Variants in TMEM132D observed in about 807,000 individuals in gnomAD.
TMEM132D encodes transmembrane protein 132D.
A neutral mutation model predicts 62.3 loss-of-function variants in TMEM132D; 21 were observed. The observed-to-expected ratio is 0.34, with a 90% CI of 0.24 to 0.49. The LOEUF (loss-of-function observed/expected upper bound fraction) is 0.49. Ranked by LOEUF, TMEM132D falls within the 20% of genes least tolerant of loss-of-function variation. TMEM132D has a pLI of 0.99. For synonymous variants in TMEM132D, 621 were observed against 575.6 expected (o/e 1.08, Z -1.13); for missense variants, 1,346 against 1,402.8 (o/e 0.96, Z 0.65).
intron 4 of TMEM132D, among the ~76,000 whole-genome samples, chr12:129,270,619 T>C (rs1880828128): frequency 6.6e-6 from 1 of 152,172 alleles, no homozygotes; most frequent in South Asian, 2.1e-4. Flanking sequence ...GGGAGTGCAT[T>C]ACATCCTTAC....
chr12:129,692,760 C>T (rs1217340013), intron 2 of TMEM132D, among the ~76,000 whole-genome samples: 2 of 152,064 alleles, frequency 1.3e-5, no homozygotes, highest in African/African-American at 4.8e-5. Context: ...GAAAACCAAA[C>T]ACCACATGTT....
At chr12:129,548,957 C>A (rs769999373) in intron 2 of TMEM132D, among the ~76,000 whole-genome samples, 6 of 152,226 alleles carry the variant, frequency 3.9e-5, no homozygotes, top group Admixed American at 6.5e-5. Flanking sequence ...GAAAGGAGCA[C>A]CTCTGAAATT....
chr12:129,493,831 G>A lies in TMEM132D; in HGVS notation c.1115+37228C>T, dbSNP rs554584019. Among the ~76,000 whole-genome samples the A allele has an allele frequency of 2.2e-3, 334 of 152,332 alleles. 3 individuals are homozygous for A. Among genetic ancestry groups the A allele is most frequent in the African/African-American group, 7.7e-3 (319 of 41,574 alleles). ...TTCTTCACAACCACCCTGCTCTGTT[G>A]ACATGTTTGGGGATCTATAAATAAT... On this transcript the variant is annotated intron_variant, in intron 3 of 8. Coordinates refer to ENST00000422113, the MANE Select transcript of TMEM132D (RefSeq NM_133448.3).
chr12:129,714,354 T>C (rs1159201272), intron 1 of TMEM132D, among the ~76,000 whole-genome samples: 2 of 152,196 alleles, frequency 1.3e-5, no homozygotes, highest in African/African-American at 4.8e-5. Context: ...CAGACCCCCC[T>C]TTAACGGGTC....
intron 5 of TMEM132D, among the ~76,000 whole-genome samples, chr12:129,203,135 C>T (rs1189118038): frequency 6.6e-6 from 1 of 152,178 alleles, no homozygotes; most frequent in East Asian, 1.9e-4. Flanking sequence ...CAGCCAACTA[C>T]AGGTAGCCAA....
intron 1 of TMEM132D, among the ~76,000 whole-genome samples, chr12:129,869,725 G>A (rs546732708): frequency 5.9e-5 from 9 of 152,202 alleles, no homozygotes; most frequent in Middle Eastern, 3.4e-3. Flanking sequence ...TCTTGATGGC[G>A]CTTCTTGAAC....
intron 1 of TMEM132D, among the ~76,000 whole-genome samples, chr12:129,775,135 T>C (rs887643137): frequency 2.6e-5 from 4 of 152,196 alleles, no homozygotes; most frequent in Non-Finnish European, 4.4e-5. Flanking sequence ...AAAAGTGTAA[T>C]AATCTAAAGA....
chr12:129,545,494 A>C (rs6486484), intron 2 of TMEM132D, among the ~76,000 whole-genome samples: 133,662 of 152,202 alleles, frequency 0.88, 58,789 homozygotes, highest in East Asian at 0.99. Flanking sequence ...TCTATGCCTT[A>C]GACACATTTT....
At chr12:129,444,429 C>T (rs1873035380) in intron 3 of TMEM132D, among the ~76,000 whole-genome samples, 1 of 151,956 alleles carries the variant, frequency 6.6e-6, no homozygotes, top group Non-Finnish European at 1.5e-5. Context: ...AACAAGCAAC[C>T]CCATTAAAAA....
In TMEM132D at chr12:129,827,098, A is replaced by G. The variant is rs1174298267; in HGVS notation, c.79+76163T>C. On this transcript the variant is annotated intron_variant, in intron 1 of 8. Transcript: ENST00000422113. This position sits in a 1 kb window ranked among gnomAD's most constrained non-coding sequence, Gnocchi z 9.7. ...TAGTGATCATTATTTGGTGGTTCAGAAGGCAATTTAACATCTCATAACAAT... is the reference window on the plus strand; with the variant it reads ...TAGTGATCATTATTTGGTGGTTCAGGAGGCAATTTAACATCTCATAACAAT... 6.6e-6 allele frequency among the ~76,000 whole-genome samples: 1 copy of G among 152,228 alleles called. No homozygotes were observed. The highest frequency in any genetic ancestry group is 1.5e-5 in the Non-Finnish European group (1 of 68,044).
At chr12:129,334,752 G>A (rs1869221828) in intron 4 of TMEM132D, among the ~76,000 whole-genome samples, 1 of 152,172 alleles carries the variant, frequency 6.6e-6, no homozygotes, top group South Asian at 2.1e-4. Flanking sequence ...ACCAGAGCCG[G>A]CTAATTTTTG....
rs1388515670 is a variant in TMEM132D, at chr12:129,568,216, C to T, written c.969-37011G>A. 2.0e-5 allele frequency among the ~76,000 whole-genome samples: 3 copies of T among 152,216 alleles called. 1 individual carries two copies. The highest frequency in any genetic ancestry group is 2.0e-4 in the Admixed American group (3 of 15,284). ...GTCCAGTCTCCTTAAAGCCACCTCA[C>T]ATTTGGAATTTTCAGTTTCCTAAGG... is the stretch of plus-strand genomic sequence containing the variant. On this transcript the variant is annotated intron_variant, in intron 2 of 8. Transcript: ENST00000422113.
chr12:129,686,309 A>C (rs1230180728), intron 2 of TMEM132D, among the ~76,000 whole-genome samples: 1 of 152,086 alleles, frequency 6.6e-6, no homozygotes, highest in African/African-American at 2.4e-5. Flanking sequence ...GGCAGTGGTT[A>C]CCCCCATGCC....
chr12:129,626,950 T>C (rs1879234937), intron 2 of TMEM132D, among the ~76,000 whole-genome samples: 1 of 152,134 alleles, frequency 6.6e-6, no homozygotes, highest in South Asian at 2.1e-4. Flanking sequence ...TTAATGTGGA[T>C]ACTCTACTTC....
intron 1 of TMEM132D, among the ~76,000 whole-genome samples, chr12:129,713,201 AC>A (rs900908095): frequency 2.0e-5 from 3 of 152,028 alleles, no homozygotes; most frequent in Non-Finnish European, 4.4e-5. Context: ...TAGGGGCCCA[AC>A]CTCCAAAATA....
chr12:129,693,425 A>G lies in TMEM132D; in HGVS notation c.968+6385T>C, dbSNP rs112997274. On this transcript the variant is annotated intron_variant, in intron 2 of 8. Coordinates refer to ENST00000422113, the MANE Select transcript of TMEM132D (RefSeq NM_133448.3). ...CATTCTAAATAACTTAAGCAGCTAT[A>G]TTGCCCTCAAGGGGGTGAAGTATCA... Among the ~76,000 whole-genome samples, 308 of 152,346 alleles carry G rather than the reference A, an allele frequency of 2.0e-3. 1 individual carries two copies. The highest frequency in any genetic ancestry group is 7.2e-3 in the African/African-American group (301 of 41,586).
At chr12:129,404,016 G>A (rs1214108854) in intron 3 of TMEM132D, among the ~76,000 whole-genome samples, 2 of 152,048 alleles carry the variant, frequency 1.3e-5, no homozygotes, top group African/African-American at 4.8e-5. Context: ...GATAGGTGAT[G>A]GGGTCAGAGA....
chr12:129,253,775 T>G (rs1395841010), intron 4 of TMEM132D, among the ~76,000 whole-genome samples: 1 of 152,160 alleles, frequency 6.6e-6, no homozygotes, highest in Non-Finnish European at 1.5e-5. Context: ...TCATGTAAAC[T>G]TAAATATTCC....
intron 2 of TMEM132D, among the ~76,000 whole-genome samples, chr12:129,661,448 A>C (rs1219131893): frequency 6.6e-6 from 1 of 152,242 alleles, no homozygotes; most frequent in Non-Finnish European, 1.5e-5. Context: ...TGGTGCTCTG[A>C]AAACACAGTG....
Sources: allele counts gnomAD v4.1 joint callset (sites outside exome capture counted in the v4.1 genomes callset), GRCh38; gene constraint gnomAD v4.1.1; non-coding constraint Gnocchi (gnomAD v3.1); transcripts MANE v1.5; gene names NCBI Gene and HGNC (gene_info 2026-07-23, HGNC 2026-07-21).